The following EYS variants were observed in gnomAD, a reference collection of about 807,000 sequenced individuals.
EYS encodes the protein EGF-like photoreceptor maintenance factor.
Under a neutral mutation model 282.1 loss-of-function variants are expected in EYS, and 250 were observed. The ratio of observed to expected loss-of-function variants is 0.89; its 90% CI spans 0.80 to 0.98. The LOEUF (loss-of-function observed/expected upper bound fraction) is 0.98, where lower values mean the gene tolerates loss of function less well. Ranked by LOEUF, EYS falls within the 50% of genes least tolerant of loss-of-function variation. EYS has a pLI of 0.00. For synonymous variants in EYS, 1,355 were observed against 1,282.9 expected (o/e 1.06, Z -1.20); for missense variants, 4,016 against 3,709.0 (o/e 1.08, Z -2.15).
chr6:65,317,191 A>G (rs775795713), intron 11 of EYS, among the ~76,000 whole-genome samples: 51 of 152,174 alleles, frequency 3.4e-4, no homozygotes, highest in Non-Finnish European at 3.5e-4. Flanking sequence ...TGGTTGGAGC[A>G]GCTAAACCTA....
intron 28 of EYS, among the ~76,000 whole-genome samples, chr6:64,421,858 GGGGTGT>G (rs1315128344): frequency 0.074 from 3,873 of 52,688 alleles, 110 homozygotes; most frequent in African/African-American, 0.13. Context: ...TTTTGTTTGG[GGGGTGT>G]GTGTGTGTGT....
At chr6:63,744,152 T>A (rs1769153136) in intron 41 of EYS, 2 of 152,202 alleles carry the variant, frequency 1.3e-5, no homozygotes, top group Admixed American at 1.3e-4. Flanking sequence ...ATGTATTTTT[T>A]TCTCATGCAT....
intron 2 of EYS, among the ~76,000 whole-genome samples, chr6:65,621,652 T>C (rs1016338688): frequency 3.9e-5 from 6 of 152,118 alleles, no homozygotes; most frequent in African/African-American, 7.2e-5. Flanking sequence ...CTAGTCTCGA[T>C]GGTCTTTACA....
intron 10 of EYS, among the ~76,000 whole-genome samples, chr6:65,338,671 A>C (rs1770083976): frequency 6.6e-6 from 1 of 151,188 alleles, no homozygotes; most frequent in African/African-American, 2.4e-5. Flanking sequence ...TAGATATTTT[A>C]AAATGTTTAC....
intron 22 of EYS, among the ~76,000 whole-genome samples, chr6:64,752,085 A>G (rs2149970491): frequency 6.6e-6 from 1 of 152,236 alleles, no homozygotes; most frequent in East Asian, 1.9e-4. Context: ...CAAACAAACA[A>G]ACAAACAAAC....
At chr6:65,159,829 C>T (rs899851482) in intron 12 of EYS, among the ~76,000 whole-genome samples, 3 of 150,786 alleles carry the variant, frequency 2.0e-5, no homozygotes, top group African/African-American at 7.3e-5. Flanking sequence ...CATTACTCCA[C>T]TATCATGAAA....
intron 12 of EYS, among the ~76,000 whole-genome samples, chr6:65,277,726 C>T (rs575949019): frequency 3.3e-5 from 5 of 152,270 alleles, no homozygotes; most frequent in African/African-American, 1.2e-4. Context: ...CACTCAATGA[C>T]TTTACCTCCT....
intron 12 of EYS, among the ~76,000 whole-genome samples, chr6:65,280,869 T>A (rs1049525178): frequency 7.5e-5 from 11 of 145,846 alleles, no homozygotes; most frequent in African/African-American, 2.2e-4. Flanking sequence ...AAAAAAAATA[T>A]ATATATATAT....
At chr6:65,183,891 C>A (rs1562009985) in intron 12 of EYS, among the ~76,000 whole-genome samples, 1 of 151,852 alleles carries the variant, frequency 6.6e-6, no homozygotes, top group Non-Finnish European at 1.5e-5. Flanking sequence ...ACCTCATCCT[C>A]CTCCCCAAAC....
At chr6:65,521,971 TA>T (rs1207400798) in intron 2 of EYS, among the ~76,000 whole-genome samples, 2 of 152,190 alleles carry the variant, frequency 1.3e-5, no homozygotes, top group African/African-American at 4.8e-5. Context: ...TAAATAATTT[TA>T]TTGTTCGGAG....
intron 32 of EYS, among the ~76,000 whole-genome samples, chr6:64,066,914 ATTT>A (rs1771392225): frequency 6.6e-6 from 1 of 152,054 alleles, no homozygotes; most frequent in South Asian, 2.1e-4. Context: ...TTTAAATTTT[ATTT>A]TTGATTTCTA....
chr6:63,999,290 G>T, intron 33 of EYS, 107 bp from the exon 34 acceptor site: 3 of 744,328 alleles, frequency 4.0e-6, no homozygotes, highest in Non-Finnish European at 7.1e-6. Context: ...GTACTTTCTG[G>T]ATCACAACAA....
intron 22 of EYS, among the ~76,000 whole-genome samples, chr6:64,759,133 C>T (rs1460337110): frequency 7.3e-6 from 1 of 137,662 alleles, no homozygotes; most frequent in African/African-American, 2.6e-5. Context: ...AGCGAGACTC[C>T]ATCTCAAAAA....
At chr6:65,586,428 A>C in intron 2 of EYS, among the ~76,000 whole-genome samples, 1 of 152,110 alleles carries the variant, frequency 6.6e-6, no homozygotes, top group East Asian at 1.9e-4. Context: ...CTGGAGATTA[A>C]GGGTATCCTA....
chr6:64,373,598 G>A (rs970215790), intron 29 of EYS, among the ~76,000 whole-genome samples: 2 of 152,110 alleles, frequency 1.3e-5, no homozygotes, highest in Non-Finnish European at 2.9e-5. Context: ...TGCCATCCGG[G>A]TGTTTCCAAG....
At chr6:65,419,178 T>A (rs1767359106) in intron 5 of EYS, among the ~76,000 whole-genome samples, 2 of 151,856 alleles carry the variant, frequency 1.3e-5, no homozygotes, top group Non-Finnish European at 2.9e-5. Flanking sequence ...AACTTACGGA[T>A]GTATAAACCC....
rs368407837 is a variant in EYS at position 65,248,793 on chromosome 6, C to T, written c.2023+47070G>A. Among the ~76,000 whole-genome samples the T allele has an allele frequency of 3.9e-5, 6 of 151,956 alleles. No individual in the cohort carries two copies. In the East Asian group the frequency reaches 7.7e-4, roughly 20 times the overall value. ...AAATATTAGAACTTCCATTTATATGCATATTTATCTAAACATAAGAAAACA... is the reference window on the plus strand; with the variant it reads ...AAATATTAGAACTTCCATTTATATGTATATTTATCTAAACATAAGAAAACA... On this transcript the variant is annotated intron_variant, in intron 12 of 42. Coordinates refer to ENST00000503581, the MANE Select transcript of EYS (RefSeq NM_001142800.2).
At chr6:64,859,853 G>A (rs1378925639) in intron 19 of EYS, among the ~76,000 whole-genome samples, 1 of 152,150 alleles carries the variant, frequency 6.6e-6, no homozygotes, top group Non-Finnish European at 1.5e-5. Flanking sequence ...ATGTTCATGT[G>A]ACTCAAAGCC....
intron 26 of EYS, among the ~76,000 whole-genome samples, chr6:64,541,315 A>G (rs935203253): frequency 3.3e-5 from 5 of 152,194 alleles, no homozygotes; most frequent in Non-Finnish European, 7.3e-5. Context: ...ATTTTCAAGA[A>G]AGATATCTGT....
Sources: allele counts gnomAD v4.1 joint callset (sites outside exome capture counted in the v4.1 genomes callset), GRCh38; gene constraint gnomAD v4.1.1; transcripts MANE v1.5; gene names NCBI Gene and HGNC (gene_info 2026-07-23, HGNC 2026-07-21).